FBN2: variants seen among roughly 807,000 people sequenced by gnomAD.
FBN2 encodes the protein fibrillin-2.
In FBN2, 105 loss-of-function variants were observed where a neutral mutation model predicts 355.6. That is an observed-to-expected ratio of 0.30 (90% confidence interval 0.25 to 0.35). The LOEUF is 0.35. FBN2 is among the 10% of genes least tolerant of loss of function. FBN2 has a pLI of 1.00. For synonymous variants in FBN2, 1,350 were observed against 1,301.2 expected (o/e 1.04, Z -0.81); for missense variants, 3,280 against 3,758.7 (o/e 0.87, Z 3.33).
intron 5 of FBN2, among the ~76,000 whole-genome samples, chr5:128,500,049 A>T: frequency 6.6e-6 from 1 of 152,162 alleles, no homozygotes; most frequent in East Asian, 1.9e-4. Flanking sequence ...ATTAGTCTTA[A>T]ATGTCAGCTG....
At position 128,519,261 on chromosome 5, in the gene FBN2, T is replaced by A; in HGVS notation, c.628+12A>T. On this transcript the variant is annotated intron_variant, in intron 5 of 64. Transcript: ENST00000262464. ...ACTTCTTCAGAAAGTAAAGTCTCAT[T>A]TCTCTTCTTACCTCTTTCACACTGT... is the stretch of plus-strand genomic sequence containing the variant. 1 of 1,593,418 alleles carries A rather than the reference T, an allele frequency of 6.3e-7. No individual in the cohort carries two copies. Among genetic ancestry groups the A allele is most frequent in the African/African-American group, 1.3e-5 (1 of 74,678 alleles).
At chr5:128,496,217 C>T (rs976007327) in intron 5 of FBN2, among the ~76,000 whole-genome samples, 3 of 151,842 alleles carry the variant, frequency 2.0e-5, no homozygotes, top group Non-Finnish European at 2.9e-5. Flanking sequence ...CAAAATCATA[C>T]AAAGATATCA....
intron 12 of FBN2, 107 bp from the exon 13 acceptor site, chr5:128,377,984 T>C: frequency 1.7e-6 from 2 of 1,162,982 alleles, no homozygotes; most frequent in Non-Finnish European, 2.5e-6. Flanking sequence ...GTTACTTCTT[T>C]AGCAAAATTT....
intron 6 of FBN2, among the ~76,000 whole-genome samples, chr5:128,458,392 C>T (rs193248354): frequency 1.3e-4 from 19 of 151,542 alleles, no homozygotes; most frequent in Admixed American, 2.0e-4. Flanking sequence ...CAGTACTAGA[C>T]GGATAAATGA....
intron 42 of FBN2, among the ~76,000 whole-genome samples, chr5:128,306,526 G>A (rs1581204008): frequency 6.6e-6 from 1 of 152,018 alleles, no homozygotes; most frequent in East Asian, 1.9e-4. Context: ...GGAGGCTGAG[G>A]CAGGAGAATC....
chr5:128,295,971 G>T lies in FBN2; in HGVS notation c.6167-4317C>A, dbSNP rs796951240. Among the ~76,000 whole-genome samples the T allele has an allele frequency of 1.3e-4, 19 of 149,764 alleles. No homozygotes were observed. The South Asian group carries it at 3.8e-3, about 30-fold the overall frequency. Reference sequence around the variant, plus strand: ...CCATTCAGTATGATATTGGCTGTGGGTTTGTCATAGATAGCTCTTACTATT... The same window carrying T: ...CCATTCAGTATGATATTGGCTGTGGTTTTGTCATAGATAGCTCTTACTATT... On this transcript the variant is annotated intron_variant, in intron 48 of 64. Transcript: ENST00000262464.
chr5:128,487,392 G>T (rs1025396962), intron 5 of FBN2, among the ~76,000 whole-genome samples: 1 of 152,056 alleles, frequency 6.6e-6, no homozygotes, highest in African/African-American at 2.4e-5. Flanking sequence ...CATAACCTAG[G>T]CCATACTGAC....
chr5:128,263,021 T>A (rs1765014646), intron 63 of FBN2, among the ~76,000 whole-genome samples: 1 of 152,214 alleles, frequency 6.6e-6, no homozygotes, highest in African/African-American at 2.4e-5. Context: ...GTGATCACTA[T>A]GCTAGCACCT....
chr5:128,367,427 A>G (rs1308538961), intron 16 of FBN2, among the ~76,000 whole-genome samples: 1 of 152,046 alleles, frequency 6.6e-6, no homozygotes, highest in Non-Finnish European at 1.5e-5. Context: ...GTTTATGTAC[A>G]CTGCTGTTTT....
At chr5:128,519,476 T>C (rs1471052568) in intron 4 of FBN2, 108 bp from the exon 5 acceptor site, 17 of 788,454 alleles carry the variant, frequency 2.2e-5, no homozygotes, top group East Asian at 7.9e-5. Context: ...TATAGTACAT[T>C]ATGTTAATTA....
chr5:128,428,023 T>A (rs757210644), intron 7 of FBN2, among the ~76,000 whole-genome samples: 1 of 152,184 alleles, frequency 6.6e-6, no homozygotes, highest in Non-Finnish European at 1.5e-5. Context: ...AATTACTCAA[T>A]TCTTTTCCTT....
intron 27 of FBN2, among the ~76,000 whole-genome samples, chr5:128,336,437 T>C (rs1750845563): frequency 6.6e-6 from 1 of 152,232 alleles, no homozygotes. Context: ...TGAATTTACA[T>C]AGCCACATAT....
rs750008073 is a variant in FBN2, at chr5:128,309,240, T to G, written c.5353+7A>C. 7 of 1,614,016 alleles carry G rather than the reference T, an allele frequency of 4.3e-6. No homozygotes were observed. The East Asian group carries it at 1.1e-4, about 26-fold the overall frequency. On this transcript the variant is annotated splice_region_variant and intron_variant, in intron 41 of 64. Transcript: ENST00000262464. Reference sequence around the variant, plus strand: ...GCAGTCAGCAGATGCACGAGCCGTGTGCTTACCTGTTCCTGGAGTTGGGCA... The same window carrying G: ...GCAGTCAGCAGATGCACGAGCCGTGGGCTTACCTGTTCCTGGAGTTGGGCA...
intron 33 of FBN2, among the ~76,000 whole-genome samples, chr5:128,329,563 G>GC (rs768079303): frequency 4.6e-5 from 7 of 152,178 alleles, no homozygotes; most frequent in Non-Finnish European, 1.0e-4. Context: ...AGCTAATAAT[G>GC]CATGTTGACT....
intron 62 of FBN2, among the ~76,000 whole-genome samples, chr5:128,267,531 G>GTATC (rs1240485089): frequency 6.6e-6 from 1 of 152,044 alleles, no homozygotes; most frequent in Non-Finnish European, 1.5e-5. Context: ...GCATGAGATG[G>GTATC]TATCTCATGG....
intron 6 of FBN2, among the ~76,000 whole-genome samples, chr5:128,459,410 T>G (rs370591595): frequency 6.6e-6 from 1 of 152,032 alleles, no homozygotes; most frequent in Non-Finnish European, 1.5e-5. Flanking sequence ...GGAAACTATT[T>G]CAAACAATTG....
At chr5:128,300,979 A>T (rs1395676137) in intron 47 of FBN2, 43 bp from the exon 48 acceptor site, 1 of 1,582,470 alleles carries the variant, frequency 6.3e-7, no homozygotes. Flanking sequence ...AGCATGAGAT[A>T]ATTGTTACAT....
chr5:128,335,686 T>C (rs554880479), intron 28 of FBN2, 109 bp from the exon 29 acceptor site: 1 of 1,289,354 alleles, frequency 7.8e-7, no homozygotes, highest in South Asian at 1.2e-5. Flanking sequence ...CTCCCCACTA[T>C]GTGTGTTGAT....
chr5:128,443,663 G>A (rs1581300768), intron 7 of FBN2, among the ~76,000 whole-genome samples: 1 of 152,070 alleles, frequency 6.6e-6, no homozygotes, highest in South Asian at 2.1e-4. Flanking sequence ...TCTTATTTCT[G>A]AACAGACCTA....
Sources: gnomAD v4.1 joint callset for allele counts (sites outside exome capture counted in the v4.1 genomes callset) on GRCh38, gnomAD v4.1.1 for gene constraint, MANE v1.5 for transcripts, NCBI Gene and HGNC (gene_info 2026-07-23, HGNC 2026-07-21) for gene names.